The following ERICH6B variants were observed in gnomAD, a reference collection of about 807,000 sequenced individuals.
ERICH6B encodes glutamate-rich protein 6B.
ERICH6B carries 69 observed loss-of-function variants against 80.0 expected under a neutral mutation model. The ratio of observed to expected loss-of-function variants is 0.86; its 90% confidence interval spans 0.71 to 1.05. The LOEUF (loss-of-function observed/expected upper bound fraction) is 1.05. ERICH6B is among the 50% of genes least tolerant of loss of function. The probability of loss-of-function intolerance (pLI) is 0.00; values close to 1 mark genes in which losing one functional copy is unlikely to be tolerated. For missense variants in ERICH6B, 754 were observed against 796.1 expected, an observed-to-expected ratio of 0.95 and a Z score of 0.64; for synonymous variants, 283 against 291.9, an observed-to-expected ratio of 0.97 and a Z score of 0.31.
chr13:45,600,645 T>C (rs1211088923), intron 2 of ERICH6B, among the ~76,000 whole-genome samples: 1 of 152,228 alleles, frequency 6.6e-6, no homozygotes, highest in East Asian at 1.9e-4. Flanking sequence ...CAGACAATGG[T>C]CTCCAGTTCC....
chr13:45,579,454 C>CT (rs1161597448), intron 7 of ERICH6B, among the ~76,000 whole-genome samples: 1 of 152,190 alleles, frequency 6.6e-6, no homozygotes, highest in Non-Finnish European at 1.5e-5. Flanking sequence ...GATTCTGCTG[C>CT]TGTAAGGATT....
chr13:45,585,914 G>A (rs1408732377), intron 5 of ERICH6B, among the ~76,000 whole-genome samples: 1 of 152,222 alleles, frequency 6.6e-6, no homozygotes, highest in Non-Finnish European at 1.5e-5. Flanking sequence ...GAACAGGCTC[G>A]AGTCCCCTCT....
chr13:45,572,444 G>T (rs1370802914), intron 8 of ERICH6B, among the ~76,000 whole-genome samples: 1 of 152,110 alleles, frequency 6.6e-6, no homozygotes, highest in African/African-American at 2.4e-5. Flanking sequence ...GGGGGCTTTG[G>T]CTAGATCTCC....
intron 5 of ERICH6B, among the ~76,000 whole-genome samples, chr13:45,583,387 T>A (rs1357697369): frequency 6.6e-6 from 1 of 152,200 alleles, no homozygotes; most frequent in African/African-American, 2.4e-5. Flanking sequence ...ATTGATTCAG[T>A]TTTCCTGACA....
At chr13:45,601,758 T>C (rs1349195573) in intron 2 of ERICH6B, among the ~76,000 whole-genome samples, 1 of 152,160 alleles carries the variant, frequency 6.6e-6, no homozygotes, top group Non-Finnish European at 1.5e-5. Context: ...TTTAATTCTC[T>C]TAGAAATTTG....
At chr13:45,587,709 C>T (rs1875973784) in intron 4 of ERICH6B, among the ~76,000 whole-genome samples, 2 of 152,214 alleles carry the variant, frequency 1.3e-5, no homozygotes, top group Non-Finnish European at 2.9e-5. Context: ...TCCAAAGGGC[C>T]TGAGGGCGGG....
intron 9 of ERICH6B, 117 bp from the exon 10 acceptor site, chr13:45,563,905 G>A: frequency 1.2e-6 from 1 of 821,012 alleles, no homozygotes. Flanking sequence ...TGGAAATGGG[G>A]CCAATGGCTT....
In ERICH6B at chr13:45,570,925, C is replaced by T. The variant is rs145692568; in HGVS notation, c.1051-2474G>A. Reference sequence around the variant, plus strand: ...AGCTGCAGGTGCCGTGTGGCATTCACTCCACTGCAGCTGCAGGTTCCATGT... The same window carrying T: ...AGCTGCAGGTGCCGTGTGGCATTCATTCCACTGCAGCTGCAGGTTCCATGT... On this transcript the variant is annotated intron_variant, in intron 8 of 14. Transcript: ENST00000298738. 5.1e-3 allele frequency among the ~76,000 whole-genome samples: 771 copies of T among 152,224 alleles called. 3 individuals carry two copies. The highest frequency in any genetic ancestry group is 9.1e-3 in the Non-Finnish European group (618 of 68,020).
chr13:45,541,362 C>T lies in ERICH6B; in HGVS notation c.*100G>A. ...CGACAGGTCCCAAATTACAAACCAA[C>T]TCTCATAAAAGGTCAACAGGTCTTT... On this transcript the variant is annotated 3_prime_UTR_variant, in exon 15 of 15. Coordinates refer to ENST00000298738, the MANE Select transcript of ERICH6B (RefSeq NM_182542.3). 5.8e-6 allele frequency: 6 copies of T among 1,042,864 alleles called. No individual in the cohort carries two copies. The highest frequency in any genetic ancestry group is 8.4e-6 in the Non-Finnish European group (6 of 718,374). The allele number at this position is 1,042,864 out of a possible 1,614,324, so 64.6% of individuals were successfully genotyped here.
chr13:45,584,976 C>CCTTCCTGGAGTTTTGTG (rs1323245176), intron 5 of ERICH6B, among the ~76,000 whole-genome samples: 2 of 152,328 alleles, frequency 1.3e-5, no homozygotes, highest in African/African-American at 4.8e-5. Context: ...CACTTCCCTA[C>CCTTCCTGGAGTTTTGTG]CTTCCTGGAG....
intron 11 of ERICH6B, among the ~76,000 whole-genome samples, chr13:45,560,359 G>A (rs906793070): frequency 2.6e-5 from 4 of 152,140 alleles, no homozygotes; most frequent in African/African-American, 9.7e-5. Context: ...GAAAAATTGA[G>A]TGGAAAGTAC....
chr13:45,560,960 A>G (rs964290872), intron 11 of ERICH6B, among the ~76,000 whole-genome samples: 1 of 152,108 alleles, frequency 6.6e-6, no homozygotes, highest in African/African-American at 2.4e-5. Context: ...TGCCTAGGCT[A>G]CTAGAGTACA....
intron 9 of ERICH6B, among the ~76,000 whole-genome samples, chr13:45,566,806 A>G (rs1029402786): frequency 2.6e-5 from 4 of 152,228 alleles, no homozygotes; most frequent in Non-Finnish European, 4.4e-5. Context: ...CTACTGGGGC[A>G]CCACCTAATG....
chr13:45,581,139 A>G (rs1464986227), intron 5 of ERICH6B, among the ~76,000 whole-genome samples: 2 of 152,160 alleles, frequency 1.3e-5, no homozygotes, highest in Admixed American at 1.3e-4. Flanking sequence ...GATGGGAAAC[A>G]TGGGGATTGC....
intron 8 of ERICH6B, among the ~76,000 whole-genome samples, chr13:45,571,103 C>T (rs1875145538): frequency 1.3e-5 from 2 of 152,208 alleles, no homozygotes; most frequent in African/African-American, 2.4e-5. Context: ...CCTGGGAATG[C>T]AGTGTCTGTG....
chr13:45,555,769 T>A (rs1874412365), intron 11 of ERICH6B, among the ~76,000 whole-genome samples: 1 of 151,994 alleles, frequency 6.6e-6, no homozygotes, highest in Non-Finnish European at 1.5e-5. Context: ...GAAATAGACA[T>A]CTGTTCATTA....
At position 45,561,352 on chromosome 13, in the gene ERICH6B, TG is replaced by T; in HGVS notation, c.1407+16del. 2 of 1,548,676 alleles carry T rather than the reference TG, an allele frequency of 1.3e-6. No homozygotes were observed. The highest frequency in any genetic ancestry group is 2.4e-5 in the South Asian group (2 of 83,578). On this transcript the variant is annotated intron_variant, in intron 11 of 14. Coordinates refer to ENST00000298738, the MANE Select transcript of ERICH6B (RefSeq NM_182542.3). ...TCCTGTGCAAAGTAAAAAACAGCAA[TG>T]TACTGTCCCTCTTACCACTGTCTTC...
At chr13:45,603,399 C>T (rs1949838252) in intron 2 of ERICH6B, among the ~76,000 whole-genome samples, 1 of 152,212 alleles carries the variant, frequency 6.6e-6, no homozygotes, top group Non-Finnish European at 1.5e-5. Flanking sequence ...GAGTCGCTGG[C>T]TTTGAAGATG....
intron 13 of ERICH6B, among the ~76,000 whole-genome samples, chr13:45,548,657 A>G (rs1351075799): frequency 6.6e-6 from 1 of 152,062 alleles, no homozygotes; most frequent in African/African-American, 2.4e-5. Flanking sequence ...TGCTGATAGG[A>G]CTGAGAGGGG....
Sources: allele counts gnomAD v4.1 joint callset (sites outside exome capture counted in the v4.1 genomes callset), GRCh38; gene constraint gnomAD v4.1.1; transcripts MANE v1.5; gene names NCBI Gene and HGNC (gene_info 2026-07-23, HGNC 2026-07-21).